TTN: variants seen among roughly 807,000 people sequenced by gnomAD.
The protein encoded by TTN is titin.
A neutral mutation model predicts 3,223.0 loss-of-function variants in TTN; 1,525 were observed. The observed-to-expected ratio is 0.47, with a 90% CI of 0.45 to 0.49. The LOEUF (loss-of-function observed/expected upper bound fraction) is 0.49. TTN is among the 20% of genes least tolerant of loss of function. The pLI, the probability that TTN is intolerant of heterozygous loss-of-function variation, is 0.00. For synonymous variants in TTN, 14,094 were observed against 15,161.0 expected, an observed-to-expected ratio of 0.93 and a Z score of 5.17; for missense variants, 40,786 against 43,424.0, an observed-to-expected ratio of 0.94 and a Z score of 5.40.
chr2:178,760,379 A>T (rs757904726), intron 43 of TTN, among the ~76,000 whole-genome samples: 106 of 152,114 alleles, frequency 7.0e-4, no homozygotes, highest in Non-Finnish European at 8.5e-4. Context: ...AAAATACAAA[A>T]ATTAGCCAGG....
rs2075586550 is a variant in TTN, at chr2:178,704,760, C to G, written c.29712G>C (p.Lys9904Asn). ...TCAAAACTGTCTGATTTTCAATGTCCTTGATCAGAGTGACAGGCTAGGAGA... is the reference window on the plus strand; with the variant it reads ...TCAAAACTGTCTGATTTTCAATGTCGTTGATCAGAGTGACAGGCTAGGAGA... ...LSQTEPVTLI[K>N]DIENQTVLKD... Residue 9904 changes from lysine (K) to asparagine (N), a missense_variant, in exon 105 of 363, where the codon AAG (lysine) becomes AAC (asparagine). By Grantham distance (94) the Lys-to-Asn change is moderately conservative. Coordinates refer to ENST00000589042, the MANE Select transcript of TTN (RefSeq NM_001267550.2). 1 of 1,609,760 alleles carries G rather than the reference C, an allele frequency of 6.2e-7. No homozygotes were observed. Among genetic ancestry groups the G allele is most frequent in the South Asian group, 1.1e-5 (1 of 90,840 alleles).
At chr2:178,713,867 A>G (rs779724804) in intron 92 of TTN, 30 bp downstream of exon 92, 6 of 1,605,860 alleles carry the variant, frequency 3.7e-6, no homozygotes, top group African/African-American at 1.3e-5. Flanking sequence ...TATTATAATG[A>G]TGAAGGAAAA....
chr2:178,715,893 G>T, intron 88 of TTN, 119 bp from the exon 89 acceptor site: 1 of 968,776 alleles, frequency 1.0e-6, no homozygotes, highest in South Asian at 1.9e-5. Flanking sequence ...ACAAATTTAT[G>T]CAGTTCAAGG....
intron 47 of TTN, among the ~76,000 whole-genome samples, chr2:178,752,555 T>G (rs1000306610): frequency 3.2e-4 from 48 of 152,142 alleles, no homozygotes; most frequent in Middle Eastern, 3.4e-3. Flanking sequence ...AAAGTCACAA[T>G]GTTATGCAAA....
chr2:178,696,387 G>GTTTT, intron 113 of TTN, 118 bp from the exon 114 acceptor site: 4 of 706,396 alleles, frequency 5.7e-6, no homozygotes, highest in South Asian at 6.4e-5. Context: ...TTGATAATTT[G>GTTTT]TTTTTTTTTT....
rs2076812939 is a variant in TTN at position 178,712,555 on chromosome 2, T to C, written c.27367A>G (p.Ile9123Val). The change falls in exon 95 of 363, where the codon ATA becomes GTA. Residue 9123 changes from isoleucine to valine, a missense_variant. Coordinates refer to ENST00000589042, the MANE Select transcript of TTN (RefSeq NM_001267550.2). ...AGGATCAGGGGTTTTCCTTTCTCTA[T>C]GCTGTAATCATTCAGCCTCTTCACA... Reference protein sequence around the residue: ...KFVKRLNDYSIEKGKPLILEG... With the variant: ...KFVKRLNDYSVEKGKPLILEG... 4.3e-6 allele frequency: 7 copies of C among 1,613,148 alleles called. No individual in the cohort carries two copies. Among genetic ancestry groups the C allele is most frequent in the South Asian group, 1.1e-5 (1 of 91,052 alleles).
chr2:178,541,633 A>G (rs1694567870), intron 349 of TTN, 49 bp from the exon 350 acceptor site: 2 of 1,487,002 alleles, frequency 1.3e-6, no homozygotes, highest in East Asian at 4.8e-5. Context: ...AATACGTTAA[A>G]ACAATGACTC....
chr2:178,712,343 A>G lies in TTN; in HGVS notation c.27579T>C (p.Asp9193=), dbSNP rs751331975. 2 of 1,613,746 alleles carry G rather than the reference A, an allele frequency of 1.2e-6. No individual in the cohort carries two copies. The highest frequency in any genetic ancestry group is 8.5e-7 in the Non-Finnish European group (1 of 1,179,744). ...NCYIENASGK[D]SCSAQILILE... is the part of the protein sequence containing the mutation. ...GTATGAGTATTTGTGCTGAACAGGA[A>G]TCTTTTCCAGAGGCATTTTCAATGT... is the stretch of plus-strand genomic sequence containing the variant. The change falls in exon 95 of 363, where the codon GAT becomes GAC. Residue 9193 remains aspartate (D), a synonymous_variant. Transcript: ENST00000589042.
Position 178,653,322 on chromosome 2 carries a change from C to A in TTN, c.38708-1G>T. 6.2e-7 allele frequency: 1 copy of A among 1,612,120 alleles called. No homozygotes were observed. The highest frequency in any genetic ancestry group is 8.5e-7 in the Non-Finnish European group (1 of 1,179,524). On this transcript the variant is annotated splice_acceptor_variant, in intron 197 of 362. Transcript: ENST00000589042. LOFTEE classifies it high-confidence loss of function. The stretch of plus-strand genomic sequence containing the variant: ...ACAACTTCTTTGGGAGCCTCTGGCA[C>A]TTAAAAGATATTAGTAAAGTTACAT...
In TTN at chr2:178,663,430, T is replaced by C; in HGVS notation, c.36616+3A>G. On this transcript the variant is annotated splice_donor_region_variant and intron_variant, in intron 172 of 362. Coordinates refer to ENST00000589042, the MANE Select transcript of TTN (RefSeq NM_001267550.2). ...TCAAACACAGCAACAAGAGGGTGTC[T>C]ACCTTTTGTGGGTGGCACTTCAGGC... 6.2e-7 allele frequency: 1 copy of C among 1,610,330 alleles called. No homozygotes were observed. The highest frequency in any genetic ancestry group is 1.1e-5 in the South Asian group (1 of 90,870).
In TTN at chr2:178,704,985, A is replaced by T; in HGVS notation, c.29605-19T>A. On this transcript the variant is annotated intron_variant, in intron 103 of 362. Transcript: ENST00000589042. Reference sequence around the variant, plus strand: ...CAATTTCCTGAGAAGAACAAAAATGATAGGCATTACAGATGAAACAAAATT... The same window carrying T: ...CAATTTCCTGAGAAGAACAAAAATGTTAGGCATTACAGATGAAACAAAATT... 1 of 1,610,850 alleles carries T rather than the reference A, an allele frequency of 6.2e-7. No individual in the cohort carries two copies. Among genetic ancestry groups the T allele is most frequent in the Non-Finnish European group, 8.5e-7 (1 of 1,179,208 alleles).
At position 178,605,551 on chromosome 2, in the gene TTN, C is replaced by A; in HGVS notation, c.53744G>T (p.Arg17915Leu). Residue 17915 changes from arginine (R) to leucine (L), a missense_variant, in exon 279 of 363, where the codon CGA becomes CTA. Coordinates refer to ENST00000589042, the MANE Select transcript of TTN (RefSeq NM_001267550.2). ...CAGAAAAGATGTGGTTGGGCAGAGT[C>A]GCTTGTTAACTCTTTCAAAGTCAGG... ...DKPDFERVNK[R>L]LCPTTSFLVE... is the part of the protein sequence containing the mutation. The A allele has an allele frequency of 6.2e-7, 1 of 1,612,296 alleles. No homozygotes were observed. The highest frequency in any genetic ancestry group is 1.1e-5 in the South Asian group (1 of 90,966).
At position 178,547,894 on chromosome 2, in the gene TTN, G is replaced by T; in HGVS notation, c.93732C>A (p.Ala31244=). The change falls in exon 339 of 363, where the codon GCC becomes GCA. Residue 31244 remains alanine, a synonymous_variant. Transcript: ENST00000589042. ...TIDVPISGRP[A]PKVTWKLEEM... is the part of the protein sequence containing the mutation. ...CTTCCAGTTTCCATGTTACTTTGGG[G>T]GCAGGACGACCACTGATTGGTACGT... The T allele has an allele frequency of 6.2e-7, 1 of 1,613,774 alleles. No individual in the cohort carries two copies. The highest frequency in any genetic ancestry group is 8.5e-7 in the Non-Finnish European group (1 of 1,179,832).
At chr2:178,731,231 G>C (rs1246157026) in intron 59 of TTN, 28 bp from the exon 60 acceptor site, 6 of 1,611,136 alleles carry the variant, frequency 3.7e-6, no homozygotes, top group Non-Finnish European at 5.1e-6. Context: ...ATAGATGTGG[G>C]TTGTGCATTA....
chr2:178,705,186 CTCT>C lies in TTN; in HGVS notation c.29589_29591del (p.Glu9864del), dbSNP rs1366904544. 29 of 1,613,102 alleles carry C rather than the reference CTCT, an allele frequency of 1.8e-5. No individual in the cohort carries two copies. The highest frequency in any genetic ancestry group is 2.4e-5 in the Non-Finnish European group (28 of 1,179,622). On this transcript the variant is annotated inframe_deletion, in exon 103 of 363. Coordinates refer to ENST00000589042, the MANE Select transcript of TTN (RefSeq NM_001267550.2). ...TGAAGGAGCATACCAGTCTATGTGT[CTCT>C]TCTTCTTGGCTTTGCTTGAGCAGTT...
intron 350 of TTN, chr2:178,541,002 A>G: frequency 3.5e-6 from 1 of 281,726 alleles, no homozygotes; most frequent in South Asian, 1.4e-4. Context: ...GAAAGCATAT[A>G]TTATGAATCT....
At chr2:178,677,103 C>A (rs2068238670) in intron 147 of TTN, 98 bp downstream of exon 147, 1 of 685,870 alleles carries the variant, frequency 1.5e-6, no homozygotes, top group East Asian at 4.4e-5. Flanking sequence ...GTGTGATTAT[C>A]CATTTTGTAA....
Position 178,535,554 on chromosome 2 carries a change from A to C in TTN, c.101061T>G (p.Ala33687=). The part of the protein sequence containing the change: ...IDQKTVELDV[A]DVPDPPRGVK... ...CTCCTCTGGGTGGGTCAGGAACATCAGCCACATCCAGTTCAACTGTCTTCT... is the reference window on the plus strand; with the variant it reads ...CTCCTCTGGGTGGGTCAGGAACATCCGCCACATCCAGTTCAACTGTCTTCT... The change falls in exon 358 of 363, where the codon GCT becomes GCG. Residue 33687 remains alanine, a synonymous_variant. Coordinates refer to ENST00000589042, the MANE Select transcript of TTN (RefSeq NM_001267550.2). 6.2e-7 allele frequency: 1 copy of C among 1,613,896 alleles called. No homozygotes were observed. The highest frequency in any genetic ancestry group is 8.5e-7 in the Non-Finnish European group (1 of 1,179,828).
intron 121 of TTN, among the ~76,000 whole-genome samples, chr2:178,691,101 G>C (rs1265573433): frequency 6.6e-6 from 1 of 152,132 alleles, no homozygotes; most frequent in Non-Finnish European, 1.5e-5. Flanking sequence ...AATTTTGAAA[G>C]AGCCAAGAGT....
Sources: allele counts gnomAD v4.1 joint callset (sites outside exome capture counted in the v4.1 genomes callset), GRCh38; gene constraint gnomAD v4.1.1; transcripts MANE v1.5; gene names NCBI Gene and HGNC (gene_info 2026-07-23, HGNC 2026-07-21).